The following SMG5 variants were observed in gnomAD, a reference collection of about 807,000 sequenced individuals.
SMG5 encodes the protein SMG5 nonsense mediated mRNA decay factor, also known as nonsense-mediated mRNA decay factor SMG5.
SMG5 carries 53 observed loss-of-function variants against 122.9 expected under a neutral mutation model. The ratio of observed to expected loss-of-function variants is 0.43; its 90% CI spans 0.35 to 0.54. SMG5 has a LOEUF of 0.54. SMG5 is among the 20% of genes least tolerant of loss of function. The pLI is 0.01. For synonymous variants in SMG5, 477 were observed against 490.2 expected (o/e 0.97, Z 0.35); for missense variants, 1,153 against 1,285.6 (o/e 0.90, Z 1.58).
chr1:156,283,684 C>T (rs142661706), upstream of SMG5, among the ~76,000 whole-genome samples: 1,157 of 152,224 alleles, frequency 7.6e-3, 10 homozygotes, highest in Middle Eastern at 0.02. Flanking sequence ...ACATAAATTG[C>T]CCTTCTACCA....
intron 12 of SMG5, among the ~76,000 whole-genome samples, chr1:156,265,404 G>C (rs926469743): frequency 2.6e-5 from 4 of 152,174 alleles, no homozygotes; most frequent in Admixed American, 2.0e-4. Flanking sequence ...ATCCTCAGGA[G>C]AGAAGTCTCA....
At chr1:156,273,303 A>G in intron 6 of SMG5, 58 bp downstream of exon 6, 1 of 1,433,584 alleles carries the variant, frequency 7.0e-7, no homozygotes, top group Non-Finnish European at 9.8e-7. Flanking sequence ...TCTCAACAAC[A>G]TCGTCTTCCC....
chr1:156,284,456 A>T (rs1663088564), upstream of SMG5: 1 of 152,336 alleles, frequency 6.6e-6, no homozygotes, highest in African/African-American at 2.4e-5. Flanking sequence ...TGCCCTTGAG[A>T]TAAAGGAAGG....
intron 12 of SMG5, 44 bp from the exon 13 acceptor site, chr1:156,263,614 A>T (rs537462584): frequency 6.3e-7 from 1 of 1,593,914 alleles, no homozygotes; most frequent in South Asian, 1.1e-5. Flanking sequence ...GGGATAAACA[A>T]CTGACACTTG....
chr1:156,291,160 T>C, the SMG5 span: 3 of 556,836 alleles, frequency 5.4e-6, no homozygotes, highest in South Asian at 4.9e-5. Flanking sequence ...AGGAATAACA[T>C]ACTCAACTTC....
intron 3 of SMG5, among the ~76,000 whole-genome samples, 175 bp from the exon 4 acceptor site, chr1:156,277,416 C>T (rs1157668467): frequency 6.6e-6 from 1 of 152,076 alleles, no homozygotes. Flanking sequence ...TGGGACCAGG[C>T]TCCCCTCCTT....
At position 156,277,065 on chromosome 1, in the gene SMG5, A is replaced by AC; in HGVS notation, c.454+19dup. ...GAAGCATGAGAACCTGCTCAAGTCCACCTTTCAGGTTCCACTGACCTATGA... is the reference window on the plus strand; with the variant it reads ...GAAGCATGAGAACCTGCTCAAGTCCACCCTTTCAGGTTCCACTGACCTATGA... On this transcript the variant is annotated intron_variant, in intron 4 of 21. Transcript: ENST00000361813. 1.2e-6 allele frequency: 2 copies of AC among 1,608,776 alleles called. No homozygotes were observed. The highest frequency in any genetic ancestry group is 1.7e-6 in the Non-Finnish European group (2 of 1,176,910).
At position 156,249,729 on chromosome 1, in the gene SMG5, G is replaced by C; in HGVS notation, c.*858C>G. 2.1e-6 allele frequency: 1 copy of C among 469,676 alleles called. No homozygotes were observed. Among genetic ancestry groups the C allele is most frequent in the Non-Finnish European group, 4.4e-6 (1 of 226,990 alleles). 29.1% of individuals were successfully genotyped at this position (469,676 alleles called of 1,614,324 possible). A position where few individuals can be genotyped will look rare whatever the true frequency, so the allele number is the denominator to read the frequency against. On this transcript the variant is annotated 3_prime_UTR_variant, in exon 22 of 22. Transcript: ENST00000361813. ...AGCCCTCCCTTAGATAGGAAGGGGG[G>C]TGGTGGCCTCAGACTGCACCCCCTT...
chr1:156,270,586 G>A (rs1662364154), intron 7 of SMG5, among the ~76,000 whole-genome samples: 1 of 152,154 alleles, frequency 6.6e-6, no homozygotes. Context: ...GCCCTTAGTG[G>A]GCACCTCCCA....
chr1:156,263,575 G>C lies in SMG5; in HGVS notation c.1856-5C>G, dbSNP rs193232337. 6.2e-6 allele frequency: 10 copies of C among 1,611,166 alleles called. No individual in the cohort carries two copies. Among genetic ancestry groups the C allele is most frequent in the Non-Finnish European group, 7.6e-6 (9 of 1,178,084 alleles). On this transcript the variant is annotated splice_polypyrimidine_tract_variant and splice_region_variant and intron_variant, in intron 12 of 21. Coordinates refer to ENST00000361813, the MANE Select transcript of SMG5 (RefSeq NM_015327.3). ...ACTCAGAGCCCTCCTCAGAGGCTGG[G>C]GGGTGGGTGAATGGAAGAGAAAAAA...
chr1:156,267,716 G>C (rs760032910), intron 9 of SMG5, 38 bp from the exon 10 acceptor site: 3 of 1,539,620 alleles, frequency 1.9e-6, no homozygotes, highest in Admixed American at 3.7e-5. Context: ...GGTCAGTGGT[G>C]GGGGCTGGGG....
chr1:156,272,260 C>G (rs1298554944), intron 7 of SMG5, 60 bp downstream of exon 7: 2 of 1,486,838 alleles, frequency 1.3e-6, no homozygotes, highest in Non-Finnish European at 1.8e-6. Flanking sequence ...AGACGGAAAA[C>G]AAAGCCAAAA....
Position 156,276,164 on chromosome 1 carries a change from T to C in SMG5, c.454+921A>G, listed in dbSNP as rs538443944. On this transcript the variant is annotated intron_variant, in intron 4 of 21. Coordinates refer to ENST00000361813, the MANE Select transcript of SMG5 (RefSeq NM_015327.3). ...TTTTTTGAGACAGAGTCTCACTCTG[T>C]TACCCAGGCTGGAGTGCAGTGGCGT... 5.4e-5 allele frequency among the ~76,000 whole-genome samples: 8 copies of C among 148,856 alleles called. No individual in the cohort carries two copies. In the East Asian group the frequency reaches 1.6e-3, roughly 30 times the overall value.
chr1:156,255,989 T>C (rs146685034), intron 16 of SMG5, among the ~76,000 whole-genome samples: 1,592 of 152,294 alleles, frequency 0.01, 29 homozygotes, highest in African/African-American at 0.036. Flanking sequence ...AACTGACCAG[T>C]ACTCTTCGAA....
At chr1:156,282,872 G>A, upstream of SMG5, 1 of 593,196 alleles carries the variant, frequency 1.7e-6, no homozygotes, top group Non-Finnish European at 2.9e-6. Context: ...CCGCACAGTT[G>A]CGGACCAGTG....
chr1:156,289,823 T>C, the SMG5 span, among the ~76,000 whole-genome samples: 1 of 152,194 alleles, frequency 6.6e-6, no homozygotes. Flanking sequence ...CCTCCCTCCA[T>C]TGAGGGGTGT....
rs141005326 is a variant in SMG5, at chr1:156,267,457, T to G, written c.1117+13A>C. ...GCCAGTGGAAGAGAAAAGAGGAACATAGGGAAGGTTACCTGCTCTCTCCAA... is the reference window on the plus strand; with the variant it reads ...GCCAGTGGAAGAGAAAAGAGGAACAGAGGGAAGGTTACCTGCTCTCTCCAA... On this transcript the variant is annotated intron_variant, in intron 10 of 21. Coordinates refer to ENST00000361813, the MANE Select transcript of SMG5 (RefSeq NM_015327.3). The G allele has an allele frequency of 6.2e-7, 1 of 1,612,522 alleles. No homozygotes were observed. Among genetic ancestry groups the G allele is most frequent in the South Asian group, 1.1e-5 (1 of 91,040 alleles).
Position 156,278,065 on chromosome 1 carries a change from A to G in SMG5, c.174-17T>C. 6.2e-7 allele frequency: 1 copy of G among 1,612,652 alleles called. No individual in the cohort carries two copies. Among genetic ancestry groups the G allele is most frequent in the Non-Finnish European group, 8.5e-7 (1 of 1,179,118 alleles). On this transcript the variant is annotated splice_polypyrimidine_tract_variant and intron_variant, in intron 2 of 21. Coordinates refer to ENST00000361813, the MANE Select transcript of SMG5 (RefSeq NM_015327.3). ...TCACGCAGCCTGGAGGGTGTAGAGG[A>G]GCATGAGAGAGACAGCCCATCCCTT...
upstream of SMG5, chr1:156,283,129 C>T (rs942368925): frequency 1.9e-5 from 6 of 316,630 alleles, no homozygotes; most frequent in Non-Finnish European, 2.9e-5. Context: ...CATCCTTCTG[C>T]CCCTTTCCCG....
Sources: allele counts gnomAD v4.1 joint callset (sites outside exome capture counted in the v4.1 genomes callset), GRCh38; gene constraint gnomAD v4.1.1; transcripts MANE v1.5; gene names NCBI Gene and HGNC (gene_info 2026-07-23, HGNC 2026-07-21).